Variants in ARHGEF3 observed in about 807,000 individuals in gnomAD.
ARHGEF3 encodes the protein 59.8 kDA protein.
In ARHGEF3, 28 loss-of-function variants were observed where a neutral mutation model predicts 63.2. The ratio of observed to expected loss-of-function variants is 0.44; its 90% confidence interval spans 0.33 to 0.61. ARHGEF3 has a LOEUF of 0.61. ARHGEF3 is among the 20% of genes least tolerant of loss of function. ARHGEF3 has a pLI of 0.03. For missense variants in ARHGEF3, 533 were observed against 659.3 expected (o/e 0.81, Z 2.10); for synonymous variants, 266 against 254.2 (o/e 1.05, Z -0.44).
chr3:56,738,758 G>A (rs1393651712), intron 7 of ARHGEF3, among the ~76,000 whole-genome samples: 2 of 152,156 alleles, frequency 1.3e-5, no homozygotes, highest in East Asian at 3.9e-4. Flanking sequence ...GTTACAAAAT[G>A]CTAGCAAACA....
chr3:56,967,942 TTA>T (rs1700658663), intron 2 of ARHGEF3, among the ~76,000 whole-genome samples: 1 of 62,384 alleles, frequency 1.6e-5, no homozygotes, highest in African/African-American at 6.2e-5. Flanking sequence ...ATAAAATATA[TTA>T]TATATTATAT....
chr3:57,011,690 CCTAATA>C (rs1489368909), intron 2 of ARHGEF3, among the ~76,000 whole-genome samples: 3 of 152,150 alleles, frequency 2.0e-5, no homozygotes, highest in African/African-American at 7.2e-5. Flanking sequence ...AGAAAGGTGT[CCTAATA>C]CTATCACTTA....
At position 56,968,053 on chromosome 3, in the gene ARHGEF3, A is replaced by ATATATTATATATAATATATATAATATAT. The variant is rs59922634; in HGVS notation, c.63-9165_63-9164insATATATTATATATATTATATATAATATA. On this transcript the variant is annotated intron_variant, in intron 2 of 12. Transcript: ENST00000338458. ...ATTTAATATATATAAAATATATATAATATATATAATATATATAATATATTA... is the reference window on the plus strand; with the variant it reads ...ATTTAATATATATAAAATATATATAATATATTATATATAATATATATAATATATTATATATAATATATATAATATATTA... 2.3e-3 allele frequency among the ~76,000 whole-genome samples: 108 copies of ATATATTATATATAATATATATAATATAT among 47,078 alleles called. 4 individuals are homozygous for ATATATTATATATAATATATATAATATAT. The highest frequency in any genetic ancestry group is 5.3e-3 in the African/African-American group (71 of 13,342). The allele number at this position is 47,078 out of a possible 152,430, so 30.9% of individuals were successfully genotyped here.
At chr3:56,965,849 C>T (rs531829330) in intron 2 of ARHGEF3, among the ~76,000 whole-genome samples, 9 of 151,822 alleles carry the variant, frequency 5.9e-5, no homozygotes, top group South Asian at 2.1e-4. Flanking sequence ...GTGGTTTCAC[C>T]GTGTTAGCCA....
intron 2 of ARHGEF3, among the ~76,000 whole-genome samples, chr3:56,973,299 G>A (rs992798428): frequency 1.3e-5 from 2 of 152,144 alleles, no homozygotes; most frequent in Non-Finnish European, 2.9e-5. Context: ...TTACAGGCGT[G>A]AGCCACCGCG....
chr3:56,870,157 T>C (rs958700315), intron 4 of ARHGEF3, among the ~76,000 whole-genome samples: 5 of 152,156 alleles, frequency 3.3e-5, no homozygotes, highest in Non-Finnish European at 7.4e-5. Context: ...GAGAACTGCA[T>C]TAAAAATAAA....
At chr3:56,810,821 T>A (rs149788105) in intron 4 of ARHGEF3, among the ~76,000 whole-genome samples, 20 of 152,336 alleles carry the variant, frequency 1.3e-4, no homozygotes, top group African/African-American at 4.8e-4. Context: ...TGAATTGGAA[T>A]CTTTGGCAGC....
rs1326025042 is a variant in ARHGEF3, at chr3:56,955,263, A to G, written c.129+3560T>C. On this transcript the variant is annotated intron_variant, in intron 3 of 12. Coordinates refer to the ARHGEF3 transcript ENST00000338458. Reference sequence around the variant, plus strand: ...CAAGCTAGAGTGCAGAGGTGCAACCATCGCTCCCTGCAGGCTTAAACTCCT... The same window carrying G: ...CAAGCTAGAGTGCAGAGGTGCAACCGTCGCTCCCTGCAGGCTTAAACTCCT... Among the ~76,000 whole-genome samples, 6 of 150,248 alleles carry G rather than the reference A, an allele frequency of 4.0e-5. No individual in the cohort carries two copies. The South Asian group carries it at 1.3e-3, about 32-fold the overall frequency.
At chr3:56,790,145 G>A (rs2037008648) in intron 1 of ARHGEF3, among the ~76,000 whole-genome samples, 2 of 152,184 alleles carry the variant, frequency 1.3e-5, no homozygotes, top group Admixed American at 1.3e-4. Flanking sequence ...AACCAGCTTA[G>A]AAATAAATGC....
intron 3 of ARHGEF3, among the ~76,000 whole-genome samples, chr3:56,924,291 C>CT (rs1488332877): frequency 6.6e-6 from 1 of 152,188 alleles, no homozygotes; most frequent in Non-Finnish European, 1.5e-5. Flanking sequence ...AAATCATTGT[C>CT]TAAGAGGAAA....
chr3:56,739,053 C>A (rs866769834), intron 7 of ARHGEF3, among the ~76,000 whole-genome samples: 32 of 152,116 alleles, frequency 2.1e-4, no homozygotes, highest in African/African-American at 6.0e-4. Flanking sequence ...CGAGATCACG[C>A]CACCGCACTT....
At chr3:56,903,265 A>T (rs1347412469) in intron 3 of ARHGEF3, among the ~76,000 whole-genome samples, 3 of 152,178 alleles carry the variant, frequency 2.0e-5, no homozygotes, top group African/African-American at 7.2e-5. Flanking sequence ...GAAAAGTCTG[A>T]TAATATGAAG....
chr3:56,813,058 T>A (rs1180776400), intron 4 of ARHGEF3, among the ~76,000 whole-genome samples: 3 of 152,270 alleles, frequency 2.0e-5, no homozygotes, highest in African/African-American at 7.2e-5. Context: ...ATGCAATGGG[T>A]AGGTACAAGG....
chr3:56,957,550 A>G (rs1334008861), intron 3 of ARHGEF3, among the ~76,000 whole-genome samples: 1 of 152,226 alleles, frequency 6.6e-6, no homozygotes, highest in African/African-American at 2.4e-5. Flanking sequence ...CAAGAGAGAA[A>G]GACAAGGTTG....
intron 3 of ARHGEF3, among the ~76,000 whole-genome samples, chr3:56,891,973 C>T (rs987912298): frequency 7.9e-5 from 12 of 152,100 alleles, no homozygotes; most frequent in Non-Finnish European, 1.2e-4. Context: ...TTTGGAGGTA[C>T]AGATGAGACA....
intron 1 of ARHGEF3, among the ~76,000 whole-genome samples, chr3:57,072,156 C>T (rs906707930): frequency 6.6e-6 from 1 of 152,150 alleles, no homozygotes; most frequent in East Asian, 1.9e-4. Context: ...CTGGAACCCT[C>T]GTGCACTGCT....
intron 3 of ARHGEF3, among the ~76,000 whole-genome samples, chr3:56,927,496 C>T (rs959211167): frequency 3.4e-4 from 52 of 151,830 alleles, no homozygotes; most frequent in African/African-American, 1.1e-3. Context: ...TTTAAATATA[C>T]GATATGTAAC....
intron 2 of ARHGEF3, among the ~76,000 whole-genome samples, chr3:57,000,570 G>C (rs1431294235): frequency 6.6e-6 from 1 of 152,088 alleles, no homozygotes; most frequent in Non-Finnish European, 1.5e-5. Context: ...GTCTCACTCT[G>C]TCGCCCAGGC....
intron 2 of ARHGEF3, among the ~76,000 whole-genome samples, chr3:56,758,982 T>C (rs1462873059): frequency 1.3e-5 from 2 of 152,214 alleles, no homozygotes; most frequent in Non-Finnish European, 2.9e-5. Flanking sequence ...CTTGGCTAAC[T>C]TTAAACTCCC....
Sources: allele counts gnomAD v4.1 joint callset (sites outside exome capture counted in the v4.1 genomes callset), GRCh38; gene constraint gnomAD v4.1.1; transcripts MANE v1.5; gene names NCBI Gene and HGNC (gene_info 2026-07-23, HGNC 2026-07-21).